Variants in SPEF2 observed in about 807,000 individuals in gnomAD.
SPEF2 encodes the protein sperm flagellar and cilia associated 2.
A neutral mutation model predicts 224.6 loss-of-function variants in SPEF2; 187 were observed. The ratio of observed to expected loss-of-function variants is 0.83; its 90% CI spans 0.74 to 0.94. The LOEUF is 0.94. Ranked by LOEUF, SPEF2 falls within the 40% of genes least tolerant of loss-of-function variation. The pLI is 0.00. For missense variants in SPEF2, 2,170 were observed against 2,135.6 expected, an observed-to-expected ratio of 1.02 and a Z score of -0.32; for synonymous variants, 715 against 707.3, an observed-to-expected ratio of 1.01 and a Z score of -0.17.
At chr5:35,655,264 G>C (rs1748813645) in intron 7 of SPEF2, among the ~76,000 whole-genome samples, 1 of 152,200 alleles carries the variant, frequency 6.6e-6, no homozygotes, top group African/African-American at 2.4e-5. Context: ...GTGGGGCCCA[G>C]TGATCCGTGC....
Position 35,807,268 on chromosome 5 carries a change from A to T in SPEF2, c.5379+15A>T. 1 of 1,604,348 alleles carries T rather than the reference A, an allele frequency of 6.2e-7. No individual in the cohort carries two copies. ...ATAAGTTTCCTGTGAGTATTACCCCAAAGTGCTCTAATTTGGTTGGGCTCC... is the reference window on the plus strand; with the variant it reads ...ATAAGTTTCCTGTGAGTATTACCCCTAAGTGCTCTAATTTGGTTGGGCTCC... On this transcript the variant is annotated intron_variant, in intron 36 of 36. Coordinates refer to ENST00000356031, the MANE Select transcript of SPEF2 (RefSeq NM_024867.4).
chr5:35,689,688 A>AT, intron 10 of SPEF2, among the ~76,000 whole-genome samples: 2 of 152,244 alleles, frequency 1.3e-5, no homozygotes, highest in Admixed American at 6.5e-5. Context: ...AGATATCATT[A>AT]TTTTTTATGG....
intron 10 of SPEF2, among the ~76,000 whole-genome samples, chr5:35,686,622 C>G (rs937772891): frequency 1.8e-4 from 27 of 152,218 alleles, no homozygotes; most frequent in African/African-American, 6.0e-4. Context: ...AATTTACCCT[C>G]TCAATAGTGG....
Position 35,780,329 on chromosome 5 carries a change from C to T in SPEF2, c.4447+983C>T, listed in dbSNP as rs1020722691. ...AGTAAAAAGAGCATTACTCTAAGTC[C>T]GAAAGCTTCCTTGCCAAGCCCAATA... is the stretch of plus-strand genomic sequence containing the variant. On this transcript the variant is annotated intron_variant, in intron 30 of 36. Coordinates refer to ENST00000356031, the MANE Select transcript of SPEF2 (RefSeq NM_024867.4). 2.6e-5 allele frequency among the ~76,000 whole-genome samples: 4 copies of T among 152,106 alleles called. No homozygotes were observed. In the South Asian group the frequency reaches 6.2e-4, roughly 24 times the overall value.
In SPEF2 at chr5:35,807,310, G is replaced by A. The variant is rs140997281; in HGVS notation, c.5379+57G>A. The A allele has an allele frequency of 9.9e-5, 155 of 1,565,218 alleles. No individual in the cohort carries two copies. The African/African-American group carries it at 1.9e-3, about 19-fold the overall frequency. ...TTGGGCTCCAGTTCAGGACATGCTA[G>A]GATGTTTCTAAATGTGAGCTGGCAT... On this transcript the variant is annotated intron_variant, in intron 36 of 36. Coordinates refer to ENST00000356031, the MANE Select transcript of SPEF2 (RefSeq NM_024867.4).
At chr5:35,741,778 C>T (rs895900176) in intron 23 of SPEF2, among the ~76,000 whole-genome samples, 16 of 152,160 alleles carry the variant, frequency 1.1e-4, no homozygotes, top group African/African-American at 3.6e-4. Context: ...TTCTTTGACA[C>T]TCCTCAAAGA....
At chr5:35,770,010 TGTGTGTGTGTGTGCATGTGC>T (rs1752591078) in intron 26 of SPEF2, among the ~76,000 whole-genome samples, 1 of 138,200 alleles carries the variant, frequency 7.2e-6, no homozygotes, top group East Asian at 2.0e-4. Context: ...TGTGTGTGTG[TGTGTGTGTGTGTGCATGTGC>T]GTGTGTGTGT....
intron 34 of SPEF2, among the ~76,000 whole-genome samples, chr5:35,801,669 C>T (rs1023164464): frequency 2.0e-5 from 3 of 152,158 alleles, no homozygotes; most frequent in African/African-American, 7.2e-5. Context: ...CAGATCACAG[C>T]GTGCTGTGAG....
chr5:35,622,685 G>A (rs1264703961), intron 1 of SPEF2, among the ~76,000 whole-genome samples: 1 of 152,102 alleles, frequency 6.6e-6, no homozygotes, highest in African/African-American at 2.4e-5. Context: ...TGCTTCTGAC[G>A]TAAAGCAACA....
chr5:35,692,849 G>A, intron 12 of SPEF2, 125 bp downstream of exon 12: 1 of 792,328 alleles, frequency 1.3e-6, no homozygotes. Context: ...TAAAAGTTTA[G>A]GTTCTGCAAA....
intron 10 of SPEF2, among the ~76,000 whole-genome samples, chr5:35,677,551 C>T (rs1405135194): frequency 6.6e-6 from 1 of 152,174 alleles, no homozygotes; most frequent in Admixed American, 6.5e-5. Flanking sequence ...TTGAAAAGCA[C>T]TGGGCTGCTG....
At position 35,641,588 on chromosome 5, in the gene SPEF2, A is replaced by G. The variant is rs891820954; in HGVS notation, c.319A>G (p.Lys107Glu). ...LYQLYIALQKKKKSGLTGVEM... is the reference protein window; with the variant it reads ...LYQLYIALQKEKKSGLTGVEM... ...TCAATTGTACATTGCTCTTCAGAAA[A>G]AGAAGAAAAGTGGACTGACTGGAGT... is the stretch of plus-strand genomic sequence containing the variant. Residue 107 changes from lysine (K) to glutamate (E), a missense_variant, in exon 3 of 37, where the codon AAG becomes GAG. By Grantham distance (56) the Lys-to-Glu change is moderately conservative (BLOSUM62 1). Transcript: ENST00000356031. 8 of 1,613,690 alleles carry G rather than the reference A, an allele frequency of 5.0e-6. No homozygotes were observed. The African/African-American group carries it at 9.3e-5, about 19-fold the overall frequency.
intron 21 of SPEF2, among the ~76,000 whole-genome samples, chr5:35,738,057 G>A (rs2149685041): frequency 6.6e-6 from 1 of 152,120 alleles, no homozygotes; most frequent in South Asian, 2.1e-4. Context: ...TTTTTGATGG[G>A]GTTGTTTGTT....
At chr5:35,647,850 T>C (rs1218282486) in intron 5 of SPEF2, among the ~76,000 whole-genome samples, 1 of 151,754 alleles carries the variant, frequency 6.6e-6, no homozygotes. Flanking sequence ...CAGTGACATT[T>C]TACTGGACCA....
chr5:35,806,408 A>G (rs1274275422), intron 34 of SPEF2, among the ~76,000 whole-genome samples: 2 of 152,242 alleles, frequency 1.3e-5, no homozygotes, highest in Non-Finnish European at 2.9e-5. Flanking sequence ...GTATATCTAT[A>G]TCTATATACA....
chr5:35,811,941 C>T (rs1016604157), intron 36 of SPEF2, among the ~76,000 whole-genome samples: 8 of 151,784 alleles, frequency 5.3e-5, no homozygotes, highest in South Asian at 2.1e-4. Context: ...CCTGCCACCA[C>T]GCCCGACTAA....
In SPEF2 at chr5:35,654,903, G is replaced by GACT. The variant is rs1391030995; in HGVS notation, c.978+178_978+179insCTA. ...GGAAGAAAAGTAGCTATTTACTAAAGAATCTAAAATCTGGTGATAGTTGTA... is the reference window on the plus strand; with the variant it reads ...GGAAGAAAAGTAGCTATTTACTAAAGACTAATCTAAAATCTGGTGATAGTTGTA... On this transcript the variant is annotated intron_variant, in intron 7 of 36. Coordinates refer to ENST00000356031, the MANE Select transcript of SPEF2 (RefSeq NM_024867.4). Among the ~76,000 whole-genome samples the GACT allele has an allele frequency of 2.2e-3, 329 of 152,216 alleles. 1 individual carries two copies. The highest frequency in any genetic ancestry group is 7.7e-3 in the African/African-American group (319 of 41,508).
chr5:35,801,620 G>A (rs1330386931), intron 34 of SPEF2, among the ~76,000 whole-genome samples: 2 of 152,144 alleles, frequency 1.3e-5, no homozygotes, highest in African/African-American at 2.4e-5. Flanking sequence ...TCTGTAGATG[G>A]GAGTTCCCTA....
In SPEF2 at chr5:35,757,121, C is replaced by T. The variant is rs372552775; in HGVS notation, c.3469-2447C>T. On this transcript the variant is annotated intron_variant, in intron 24 of 36. Transcript: ENST00000356031. ...TAGTTATCATAACAATTAAAAATAT[C>T]GTTTACTAGTTATAATATCATAAAA... Among the ~76,000 whole-genome samples, 11 of 97,430 alleles carry T rather than the reference C, an allele frequency of 1.1e-4. No individual in the cohort carries two copies. In the East Asian group the frequency reaches 1.8e-3, roughly 16 times the overall value. 63.9% of individuals were successfully genotyped at this position (97,430 alleles called of 152,430 possible).
Sources: gnomAD v4.1 joint callset for allele counts (sites outside exome capture counted in the v4.1 genomes callset) on GRCh38, gnomAD v4.1.1 for gene constraint, MANE v1.5 for transcripts, NCBI Gene and HGNC (gene_info 2026-07-23, HGNC 2026-07-21) for gene names.